The following CLCN7 variants were observed in gnomAD, a reference collection of about 807,000 sequenced individuals.
CLCN7 encodes Cl-/H+ antiporter 7.
CLCN7 carries 60 observed loss-of-function variants against 102.1 expected under a neutral mutation model. The ratio of observed to expected loss-of-function variants is 0.59; its 90% CI spans 0.48 to 0.73. The LOEUF is 0.73. CLCN7 is among the 30% of genes least tolerant of loss of function. The pLI, the probability that CLCN7 is intolerant of heterozygous loss-of-function variation, is 0.00. For synonymous variants in CLCN7, 560 were observed against 490.5 expected, an observed-to-expected ratio of 1.14 and a Z score of -1.87; for missense variants, 962 against 1,125.7, an observed-to-expected ratio of 0.85 and a Z score of 2.08.
chr16:1,465,167 G>T, intron 2 of CLCN7, 100 bp downstream of exon 2: 2 of 1,189,144 alleles, frequency 1.7e-6, no homozygotes, highest in East Asian at 2.5e-5. Context: ...CGGCCCTGGG[G>T]CCCCACTATC....
intron 18 of CLCN7, 78 bp from the exon 19 acceptor site, chr16:1,449,171 C>T: frequency 6.3e-7 from 1 of 1,594,080 alleles, no homozygotes; most frequent in South Asian, 1.1e-5. Context: ...CTCTGCAGCA[C>T]CCATCCCATC....
chr16:1,474,223 T>C (rs1202824227), intron 1 of CLCN7: 6 of 455,994 alleles, frequency 1.3e-5, no homozygotes, highest in East Asian at 6.9e-5. Context: ...TTGCTGCTTA[T>C]TGTGTTTGCC....
intron 2 of CLCN7, among the ~76,000 whole-genome samples, chr16:1,463,157 T>C (rs2038962181): frequency 6.6e-6 from 1 of 152,016 alleles, no homozygotes; most frequent in Admixed American, 6.6e-5. Flanking sequence ...AGGGAGGGTA[T>C]GACGTTGGAC....
intron 1 of CLCN7, among the ~76,000 whole-genome samples, chr16:1,468,723 T>C (rs2039037814): frequency 1.3e-5 from 2 of 151,810 alleles, no homozygotes; most frequent in Admixed American, 1.3e-4. Context: ...GGTCTGAAAA[T>C]AGCCTGCACC....
chr16:1,471,451 C>A (rs55714824), intron 1 of CLCN7, among the ~76,000 whole-genome samples: 35,003 of 152,076 alleles, frequency 0.23, 4,391 homozygotes, highest in East Asian at 0.54. Flanking sequence ...TGTGGCCACA[C>A]TGGGGTGCGC....
In CLCN7 at chr16:1,457,755, GTCTGAAACACAGGGAGACGCATGGCC is replaced by G; in HGVS notation, c.676-25_676del. 1.2e-6 allele frequency: 2 copies of G among 1,613,824 alleles called. No homozygotes were observed. The highest frequency in any genetic ancestry group is 1.7e-6 in the Non-Finnish European group (2 of 1,179,948). ...CACACCGGACACTTTGATCACCAAC[GTCTGAAACACAGGGAGACGCATGGCC>G]TCTGATGAAAAGGCAGGCGCTGTCT... On this transcript the variant is annotated splice_acceptor_variant and splice_polypyrimidine_tract_variant and coding_sequence_variant and intron_variant, in exon 8 of 25. Transcript: ENST00000382745. LOFTEE classifies it high-confidence loss of function. This position sits in a 1 kb window ranked among gnomAD's most constrained non-coding sequence, Gnocchi z 5.4.
intron 9 of CLCN7, among the ~76,000 whole-genome samples, chr16:1,456,628 C>T (rs1011753895): frequency 2.6e-5 from 4 of 152,166 alleles, no homozygotes; most frequent in South Asian, 2.1e-4. Context: ...CACCTGAGGT[C>T]GGGAGTTTGA....
At position 1,465,325 on chromosome 16, in the gene CLCN7, G is replaced by A. The variant is rs558563372; in HGVS notation, c.155C>T (p.Ala52Val). ...GCTCATATGTCCGACTCGGAAAAGCGCAGAACGTGGTGACTAAAAGCAGAA... is the reference window on the plus strand; with the variant it reads ...GCTCATATGTCCGACTCGGAAAAGCACAGAACGTGGTGACTAAAAGCAGAA... ...PGAARQSPRS[A>V]LFRVGHMSSV... is the part of the protein sequence containing the mutation. Residue 52 changes from alanine (A) to valine (V), a missense_variant, in exon 2 of 25, where the codon GCG (alanine) becomes GTG (valine). Coordinates refer to ENST00000382745, the MANE Select transcript of CLCN7 (RefSeq NM_001287.6). 6.2e-6 allele frequency: 10 copies of A among 1,613,474 alleles called. No homozygotes were observed. Among genetic ancestry groups the A allele is most frequent in the South Asian group, 5.5e-5 (5 of 90,944 alleles).
chr16:1,449,193 A>G, intron 18 of CLCN7, 83 bp downstream of exon 18: 1 of 1,580,192 alleles, frequency 6.3e-7, no homozygotes, highest in Non-Finnish European at 8.6e-7. Context: ...ACCTGCTCCC[A>G]GACCCTAGCC....
At chr16:1,465,547 G>A (rs2038993766) in intron 1 of CLCN7, among the ~76,000 whole-genome samples, 1 of 152,274 alleles carries the variant, frequency 6.6e-6, no homozygotes, top group South Asian at 2.1e-4. Flanking sequence ...GCTGCCCCTC[G>A]GCCTGTCAGC....
At chr16:1,464,412 C>G (rs533998574) in intron 2 of CLCN7, among the ~76,000 whole-genome samples, 3 of 152,348 alleles carry the variant, frequency 2.0e-5, no homozygotes, top group African/African-American at 7.2e-5. Flanking sequence ...AAGGCAGTGC[C>G]GAAGGCGCCC....
intron 23 of CLCN7, 80 bp from the exon 24 acceptor site, chr16:1,447,166 C>T (rs1331544988): frequency 2.6e-5 from 35 of 1,362,660 alleles, no homozygotes; most frequent in South Asian, 3.7e-5. Context: ...GCTCCCTGCA[C>T]CCCCCACCAC....
chr16:1,449,524 G>A (rs990562901), intron 17 of CLCN7, 197 bp from the exon 18 acceptor site: 16 of 615,784 alleles, frequency 2.6e-5, no homozygotes, highest in South Asian at 1.3e-4. Context: ...TGAACCAGGC[G>A]CTCAGCACCC....
intron 17 of CLCN7, chr16:1,449,999 A>G (rs2038718385): frequency 5.8e-6 from 1 of 173,226 alleles, no homozygotes; most frequent in Non-Finnish European, 1.2e-5. Flanking sequence ...GGCCTCTTAC[A>G]GGTTTTCAGT....
rs780993755 is a variant in CLCN7, at chr16:1,455,167, T to A, written c.1065A>T (p.Pro355=). The change falls in exon 12 of 25, where the codon CCA becomes CCT. Residue 355 remains proline, a synonymous_variant. Coordinates refer to ENST00000382745, the MANE Select transcript of CLCN7 (RefSeq NM_001287.6). ...YHGNMWDLSS[P]GLINFGRFDS... is the part of the protein sequence containing the mutation. ...CAAACCTTCCGAAGTTGATGAGGCCTGGGCTGGACAGGTCCCACATGTTCC... is the reference window on the plus strand; with the variant it reads ...CAAACCTTCCGAAGTTGATGAGGCCAGGGCTGGACAGGTCCCACATGTTCC... 6.2e-7 allele frequency: 1 copy of A among 1,613,500 alleles called. No homozygotes were observed. Among genetic ancestry groups the A allele is most frequent in the Non-Finnish European group, 8.5e-7 (1 of 1,179,466 alleles).
At chr16:1,447,185 G>A in intron 23 of CLCN7, 99 bp from the exon 24 acceptor site, 9 of 1,277,200 alleles carry the variant, frequency 7.0e-6, no homozygotes, top group Non-Finnish European at 9.9e-6. Flanking sequence ...ACGGCGTCCA[G>A]GCACGTCCTG....
At chr16:1,467,005 C>T (rs2039014394) in intron 1 of CLCN7, among the ~76,000 whole-genome samples, 1 of 151,190 alleles carries the variant, frequency 6.6e-6, no homozygotes. Flanking sequence ...CCCCAACCAT[C>T]GTCCTGTTAC....
chr16:1,459,945 G>T (rs1210704778), intron 6 of CLCN7, among the ~76,000 whole-genome samples: 6 of 110,916 alleles, frequency 5.4e-5, no homozygotes, highest in South Asian at 6.1e-4. Context: ...GAAGGGGAGA[G>T]CAGCACACAC....
At position 1,448,482 on chromosome 16, in the gene CLCN7, T is replaced by A. The variant is rs2038689459; in HGVS notation, c.1886A>T (p.Glu629Val). ...PVTSHSLTAREVMSTPVTCLR... is the reference protein window; with the variant it reads ...PVTSHSLTARVVMSTPVTCLR... Reference sequence around the variant, plus strand: ...GCAGGTCACTGGTGTGCTCATCACCTCCCTGCCGGAGGAGCCCGGCCACAC... The same window carrying A: ...GCAGGTCACTGGTGTGCTCATCACCACCCTGCCGGAGGAGCCCGGCCACAC... The change falls in exon 21 of 25, where the codon GAG becomes GTG. Residue 629 changes from glutamate to valine, a missense_variant and splice_region_variant. By Grantham distance (121) the Glu-to-Val change is moderately radical (BLOSUM62 -2). This residue lies in a region of CLCN7 where 799 missense variants were observed against 988.0 expected (regional missense o/e 0.81). Transcript: ENST00000382745. The A allele has an allele frequency of 6.2e-7, 1 of 1,609,080 alleles. No homozygotes were observed. Among genetic ancestry groups the A allele is most frequent in the Non-Finnish European group, 8.5e-7 (1 of 1,179,932 alleles).
Sources: gnomAD v4.1 joint callset for allele counts (sites outside exome capture counted in the v4.1 genomes callset) on GRCh38, gnomAD v4.1.1 for gene constraint, gnomAD v4.1.1 regional missense constraint, Gnocchi (gnomAD v3.1) non-coding constraint, MANE v1.5 for transcripts, NCBI Gene and HGNC (gene_info 2026-07-23, HGNC 2026-07-21) for gene names.